GPX4: variants seen among roughly 807,000 people sequenced by gnomAD.
The protein encoded by GPX4 is phospholipid hydroperoxide glutathione peroxidase GPX4.
A neutral mutation model predicts 27.8 loss-of-function variants in GPX4; 28 were observed. The observed-to-expected ratio is 1.01, with a 90% confidence interval of 0.75 to 1.38. The LOEUF is 1.38. GPX4 is among the 40% of genes most tolerant of loss of function. The pLI, the probability that GPX4 is intolerant of heterozygous loss-of-function variation, is 0.00. For missense variants in GPX4, 357 were observed against 274.1 expected, an observed-to-expected ratio of 1.30 and a Z score of -2.14; for synonymous variants, 163 against 107.8, an observed-to-expected ratio of 1.51 and a Z score of -3.17.
In GPX4 at chr19:1,105,522, C is replaced by T. The variant is rs543575878; in HGVS notation, c.324+12C>T. 2.8e-6 allele frequency: 4 copies of T among 1,439,298 alleles called. No homozygotes were observed. Among genetic ancestry groups the T allele is most frequent in the Admixed American group, 1.8e-5 (1 of 55,130 alleles). 89.2% of individuals were successfully genotyped at this position (1,439,298 alleles called of 1,614,324 possible). ...AGTTCGGGAAGCAGGTGGGCTGCTG[C>T]GTCCCCGGGGCCCGCAGAGGCGGGT... is the stretch of plus-strand genomic sequence containing the variant. On this transcript the variant is annotated intron_variant, in intron 3 of 6. Coordinates refer to ENST00000354171, the MANE Select transcript of GPX4 (RefSeq NM_002085.5).
intron 1 of GPX4, 197 bp from the exon 2 acceptor site, chr19:1,104,989 C>T: frequency 6.8e-7 from 1 of 1,469,482 alleles, no homozygotes; most frequent in Non-Finnish European, 9.0e-7. Context: ...AACCCTCTCC[C>T]GGCCTCCGGG....
Position 1,104,123 on chromosome 19 carries a change from C to A in GPX4, c.80C>A (p.Thr27Asn). 1 of 1,479,646 alleles carries A rather than the reference C, an allele frequency of 6.8e-7. No homozygotes were observed. The highest frequency in any genetic ancestry group is 8.9e-7 in the Non-Finnish European group (1 of 1,121,740). 91.7% of individuals were successfully genotyped at this position (1,479,646 alleles called of 1,614,324 possible). A position where few individuals can be genotyped will look rare whatever the true frequency, so the allele number is the denominator to read the frequency against. ...CTGGCCGCGCCTGGCCTGGCCGGGA[C>A]CATGGTGAGCTAGCGCCGCGGCCGT... The part of the protein sequence containing the change: ...GALAAPGLAG[T>N]MCASRDDWRC... The change falls in exon 1 of 7, where the codon ACC becomes AAC. Residue 27 changes from threonine to asparagine, a missense_variant. By Grantham distance (65) the Thr-to-Asn change is moderately conservative. Transcript: ENST00000354171.
rs1599808277 is a variant in GPX4 at position 1,105,275 on chromosome 19, G to A, written c.174G>A (p.Lys58=). The A allele has an allele frequency of 2.5e-6, 4 of 1,613,024 alleles. No homozygotes were observed. Among genetic ancestry groups the A allele is most frequent in the South Asian group, 1.1e-5 (1 of 91,090 alleles). Residue 58 remains lysine, a synonymous_variant, in exon 2 of 7, where the codon AAG becomes AAA. Transcript: ENST00000354171. ...DIDGHMVNLD[K]YRGFVCIVTN... is the part of the protein sequence containing the mutation. ...ACGGGCACATGGTTAACCTGGACAA[G>A]TACCGGTGGGCGCTCGCCTGGGGTG... is the stretch of plus-strand genomic sequence containing the variant.
intron 1 of GPX4, chr19:1,104,418 A>T: frequency 3.0e-6 from 1 of 337,070 alleles, no homozygotes; most frequent in Non-Finnish European, 5.1e-6. Context: ...AGGCCGTTGC[A>T]GGCGCGCGTG....
Position 1,105,258 on chromosome 19 carries a change from A to C in GPX4, c.157A>C (p.Met53Leu), listed in dbSNP as rs762792092. Residue 53 changes from methionine (M) to leucine (L), a missense_variant, in exon 2 of 7, where the codon ATG becomes CTG. By Grantham distance (15) the Met-to-Leu change is conservative. Transcript: ENST00000354171. ...EFSAKDIDGH[M>L]VNLDKYRGFV... ...TTCCGCCAAGGACATCGACGGGCACATGGTTAACCTGGACAAGTACCGGTG... is the reference window on the plus strand; with the variant it reads ...TTCCGCCAAGGACATCGACGGGCACCTGGTTAACCTGGACAAGTACCGGTG... 10 of 1,612,858 alleles carry C rather than the reference A, an allele frequency of 6.2e-6. No homozygotes were observed. Among genetic ancestry groups the C allele is most frequent in the Non-Finnish European group, 8.5e-6 (10 of 1,179,900 alleles).
In GPX4 at chr19:1,104,430, C is replaced by T. The variant is rs536633606; in HGVS notation, c.84+303C>T. 498 of 297,894 alleles carry T rather than the reference C, an allele frequency of 1.7e-3. 2 individuals are homozygous for T. The highest frequency in any genetic ancestry group is 0.011 in the African/African-American group (474 of 43,432). The allele number at this position is 297,894 out of a possible 1,614,324, so 18.5% of individuals were successfully genotyped here. On this transcript the variant is annotated intron_variant, in intron 1 of 6. Coordinates refer to ENST00000354171, the MANE Select transcript of GPX4 (RefSeq NM_002085.5). ...TCCAGGCCGTTGCAGGCGCGCGTGC[C>T]GGGGCCGGGGTCGGGGGTCCAGGCT...
intron 4 of GPX4, 26 bp from the exon 5 acceptor site, chr19:1,106,216 C>G: frequency 6.3e-7 from 1 of 1,593,028 alleles, no homozygotes. Flanking sequence ...GCTGGGGACG[C>G]TCACGTCCAT....
Position 1,105,482 on chromosome 19 carries a change from C to T in GPX4, c.296C>T (p.Ala99Val). The change falls in exon 3 of 7, where the codon GCC (alanine) becomes GTC (valine). Residue 99 changes from alanine to valine, a missense_variant. Physicochemically the swap from Ala to Val is moderately conservative, Grantham distance 64. Transcript: ENST00000354171. Reference protein sequence around the residue: ...RYAECGLRILAFPCNQFGKQE... With the variant: ...RYAECGLRILVFPCNQFGKQE... ...GCTGAGTGTGGTTTGCGGATCCTGG[C>T]CTTCCCGTGTAACCAGTTCGGGAAG... The T allele has an allele frequency of 6.2e-7, 1 of 1,612,710 alleles. No individual in the cohort carries two copies. The highest frequency in any genetic ancestry group is 8.5e-7 in the Non-Finnish European group (1 of 1,179,856).
In GPX4 at chr19:1,104,104, G is replaced by T; in HGVS notation, c.61G>T (p.Ala21Ser). 14 of 1,505,736 alleles carry T rather than the reference G, an allele frequency of 9.3e-6. No homozygotes were observed. The highest frequency in any genetic ancestry group is 1.2e-5 in the Non-Finnish European group (14 of 1,134,266). 93.3% of individuals were successfully genotyped at this position (1,505,736 alleles called of 1,614,324 possible). A position where few individuals can be genotyped will look rare whatever the true frequency, so the allele number is the denominator to read the frequency against. ...GGCGCTGCTCTGTGGGGCTCTGGCC[G>T]CGCCTGGCCTGGCCGGGACCATGGT... ...KPALLCGALA[A>S]PGLAGTMCAS... is the part of the protein sequence containing the mutation. Residue 21 changes from alanine to serine, a missense_variant, in exon 1 of 7, where the codon GCG becomes TCG. Physicochemically the swap from Ala to Ser is moderately conservative, Grantham distance 99 (BLOSUM62 1). Coordinates refer to ENST00000354171, the MANE Select transcript of GPX4 (RefSeq NM_002085.5).
At position 1,105,521 on chromosome 19, in the gene GPX4, G is replaced by C. The variant is rs368496760; in HGVS notation, c.324+11G>C. 94 of 1,612,022 alleles carry C rather than the reference G, an allele frequency of 5.8e-5. No individual in the cohort carries two copies. Among genetic ancestry groups the C allele is most frequent in the Non-Finnish European group, 7.5e-5 (89 of 1,179,616 alleles). On this transcript the variant is annotated intron_variant, in intron 3 of 6. Coordinates refer to ENST00000354171, the MANE Select transcript of GPX4 (RefSeq NM_002085.5). ...CAGTTCGGGAAGCAGGTGGGCTGCTGCGTCCCCGGGGCCCGCAGAGGCGGG... is the reference window on the plus strand; with the variant it reads ...CAGTTCGGGAAGCAGGTGGGCTGCTCCGTCCCCGGGGCCCGCAGAGGCGGG...
chr19:1,105,334 T>G, intron 2 of GPX4, 32 bp from the exon 3 acceptor site: 1 of 1,612,370 alleles, frequency 6.2e-7, no homozygotes, highest in African/African-American at 1.3e-5. Context: ...GGGGGCCGTG[T>G]TCTTCTGCGC....
Position 1,106,544 on chromosome 19 carries a change from T to TA in GPX4, c.567dup (p.Glu190ArgfsTer?), listed in dbSNP as rs1252040952. 3.1e-6 allele frequency: 5 copies of TA among 1,613,120 alleles called. No individual in the cohort carries two copies. Among genetic ancestry groups the TA allele is most frequent in the Non-Finnish European group, 4.2e-6 (5 of 1,179,738 alleles). ...CCCAGCTTTCCTCCCCGACAGGTGA[T>TA]AGAGAAGGACCTGCCCCACTATTTC... On this transcript the variant is annotated frameshift_variant, in exon 7 of 7. Transcript: ENST00000354171. LOFTEE classifies it high-confidence loss of function.
intron 1 of GPX4, 48 bp from the exon 2 acceptor site, chr19:1,105,138 G>T (rs1434546630): frequency 2.5e-6 from 4 of 1,601,770 alleles, no homozygotes; most frequent in Non-Finnish European, 3.4e-6. Flanking sequence ...AGGGTCCCGG[G>T]CTCAGCCTCC....
In GPX4 at chr19:1,105,435, C is replaced by T; in HGVS notation, c.249C>T (p.Leu83=). The T allele has an allele frequency of 1.2e-6, 2 of 1,612,476 alleles. No individual in the cohort carries two copies. The highest frequency in any genetic ancestry group is 1.7e-6 in the Non-Finnish European group (2 of 1,179,668). ...AGACCGAAGTAAACTACACTCAGCT[C>T]GTCGACCTGCACGCCCGATACGCTG... is the stretch of plus-strand genomic sequence containing the variant. ...UGKTEVNYTQ[L]VDLHARYAEC... Residue 83 remains leucine, a synonymous_variant, in exon 3 of 7, where the codon CTC becomes CTT. Transcript: ENST00000354171.
Position 1,105,235 on chromosome 19 carries a change from C to T in GPX4, c.134C>T (p.Ser45Phe). 1 of 1,613,098 alleles carries T rather than the reference C, an allele frequency of 6.2e-7. No homozygotes were observed. Among genetic ancestry groups the T allele is most frequent in the African/African-American group, 1.3e-5 (1 of 75,060 alleles). Residue 45 changes from serine to phenylalanine, a missense_variant, in exon 2 of 7, where the codon TCC (serine) becomes TTC (phenylalanine). By Grantham distance (155) the Ser-to-Phe change is radical. Transcript: ENST00000354171. ...WRCARSMHEFSAKDIDGHMVN... is the reference protein window; with the variant it reads ...WRCARSMHEFFAKDIDGHMVN... ...TGTGCGCGCTCCATGCACGAGTTTT[C>T]CGCCAAGGACATCGACGGGCACATG...
At chr19:1,104,849 A>T in intron 1 of GPX4, 1 of 1,156,026 alleles carries the variant, frequency 8.7e-7, no homozygotes, top group Non-Finnish European at 1.1e-6. Context: ...CAGGCGCAGG[A>T]GGGCGCGGCG....
In GPX4 at chr19:1,105,452, G is replaced by C; in HGVS notation, c.266G>C (p.Arg89Pro). 1 of 1,612,556 alleles carries C rather than the reference G, an allele frequency of 6.2e-7. No homozygotes were observed. The highest frequency in any genetic ancestry group is 1.3e-5 in the African/African-American group (1 of 75,038). Residue 89 changes from arginine to proline, a missense_variant, in exon 3 of 7, where the codon CGA becomes CCA. Physicochemically the swap from Arg to Pro is moderately radical, Grantham distance 103. Transcript: ENST00000354171. Reference protein sequence around the residue: ...NYTQLVDLHARYAECGLRILA... With the variant: ...NYTQLVDLHAPYAECGLRILA... ...ACTCAGCTCGTCGACCTGCACGCCC[G>C]ATACGCTGAGTGTGGTTTGCGGATC... is the stretch of plus-strand genomic sequence containing the variant.
intron 3 of GPX4, 58 bp from the exon 4 acceptor site, chr19:1,105,600 G>A: frequency 6.2e-7 from 1 of 1,600,242 alleles, no homozygotes. Flanking sequence ...AGTGTGCAGG[G>A]GGCCCGGACT....
rs747887804 is a variant in GPX4, at chr19:1,105,249, G to A, written c.148G>A (p.Asp50Asn). Residue 50 changes from aspartate to asparagine, a missense_variant, in exon 2 of 7, where the codon GAC becomes AAC. Coordinates refer to ENST00000354171, the MANE Select transcript of GPX4 (RefSeq NM_002085.5). ...GCACGAGTTTTCCGCCAAGGACATCGACGGGCACATGGTTAACCTGGACAA... is the reference window on the plus strand; with the variant it reads ...GCACGAGTTTTCCGCCAAGGACATCAACGGGCACATGGTTAACCTGGACAA... ...SMHEFSAKDI[D>N]GHMVNLDKYR... The A allele has an allele frequency of 1.1e-5, 18 of 1,612,972 alleles. No individual in the cohort carries two copies. Among genetic ancestry groups the A allele is most frequent in the Non-Finnish European group, 3.4e-6 (4 of 1,179,910 alleles).
Sources: gnomAD v4.1 joint callset for allele counts on GRCh38, gnomAD v4.1.1 for gene constraint, MANE v1.5 for transcripts, NCBI Gene and HGNC (gene_info 2026-07-23, HGNC 2026-07-21) for gene names.